Variants in NAALADL2 observed in about 807,000 individuals in gnomAD.
NAALADL2 encodes N-acetylated alpha-linked acidic dipeptidase like 2, also known as inactive N-acetylated-alpha-linked acidic dipeptidase-like protein 2.
A neutral mutation model predicts 87.2 loss-of-function variants in NAALADL2; 76 were observed. That is an observed-to-expected ratio of 0.87 (90% CI 0.72 to 1.05). The LOEUF is 1.05. Ranked by LOEUF, NAALADL2 falls within the 50% of genes least tolerant of loss-of-function variation. The pLI, the probability that NAALADL2 is intolerant of heterozygous loss-of-function variation, is 0.00. For missense variants in NAALADL2, 1,089 were observed against 945.8 expected, an observed-to-expected ratio of 1.15 and a Z score of -1.99; for synonymous variants, 354 against 331.0, an observed-to-expected ratio of 1.07 and a Z score of -0.75.
intron 2 of NAALADL2, among the ~76,000 whole-genome samples, chr3:174,687,306 ACACCTTG>A (rs1728140163): frequency 6.6e-6 from 1 of 152,008 alleles, no homozygotes; most frequent in Non-Finnish European, 1.5e-5. Flanking sequence ...GCTTCCCTTA[ACACCTTG>A]CATTCAAAAG....
chr3:174,819,427 CA>C (rs1579063584), intron 3 of NAALADL2, among the ~76,000 whole-genome samples: 1 of 151,356 alleles, frequency 6.6e-6, no homozygotes, highest in East Asian at 1.9e-4. Context: ...AAACAATCAG[CA>C]AAAAAGCAAT....
At chr3:175,667,898 C>T (rs1733427296) in intron 11 of NAALADL2, among the ~76,000 whole-genome samples, 1 of 151,996 alleles carries the variant, frequency 6.6e-6, no homozygotes, top group Admixed American at 6.6e-5. Flanking sequence ...CTACCCTATT[C>T]AAAGATGTTT....
At chr3:175,217,009 C>G (rs1742659725) in intron 2 of NAALADL2, among the ~76,000 whole-genome samples, 1 of 152,030 alleles carries the variant, frequency 6.6e-6, no homozygotes, top group Non-Finnish European at 1.5e-5. Context: ...ATGGGAACAC[C>G]CAATGTAATT....
At chr3:174,640,206 C>T (rs1447779) in intron 2 of NAALADL2, among the ~76,000 whole-genome samples, 77,008 of 152,072 alleles carry the variant, frequency 0.51, 19,996 homozygotes, top group Middle Eastern at 0.65. Context: ...CAGACTAATG[C>T]TCTTAGCTCC....
At chr3:174,490,744 C>G (rs1047013447) in intron 1 of NAALADL2, among the ~76,000 whole-genome samples, 5 of 152,014 alleles carry the variant, frequency 3.3e-5, no homozygotes, top group African/African-American at 1.2e-4. Flanking sequence ...AAGAGCCTTT[C>G]TATTCAAAGA....
rs547297026 is a variant in NAALADL2, at chr3:175,748,630, A to G, written c.1991-6590A>G. On this transcript the variant is annotated intron_variant, in intron 12 of 13. Coordinates refer to ENST00000454872, the MANE Select transcript of NAALADL2 (RefSeq NM_207015.3). ...AAGCTTACATTTGTTTGATATAAAAATGTTGTTTTAGAGGATGACCAGTAC... is the reference window on the plus strand; with the variant it reads ...AAGCTTACATTTGTTTGATATAAAAGTGTTGTTTTAGAGGATGACCAGTAC... 2.8e-3 allele frequency among the ~76,000 whole-genome samples: 428 copies of G among 152,340 alleles called. 1 individual carries two copies. The highest frequency in any genetic ancestry group is 9.7e-3 in the African/African-American group (402 of 41,580).
intron 5 of NAALADL2, among the ~76,000 whole-genome samples, chr3:175,335,079 A>T (rs1024285824): frequency 6.6e-6 from 1 of 152,176 alleles, no homozygotes; most frequent in Non-Finnish European, 1.5e-5. Context: ...CTCTCTTGAC[A>T]GGATGGGGCA....
At chr3:174,751,797 T>A (rs1000906004) in intron 3 of NAALADL2, among the ~76,000 whole-genome samples, 2 of 152,160 alleles carry the variant, frequency 1.3e-5, no homozygotes, top group Non-Finnish European at 2.9e-5. Flanking sequence ...CTAATAATAT[T>A]TGACTTAGGA....
chr3:174,768,800 G>T (rs1426863109), intron 3 of NAALADL2, among the ~76,000 whole-genome samples: 2 of 151,808 alleles, frequency 1.3e-5, no homozygotes, highest in African/African-American at 2.4e-5. Flanking sequence ...TTGAAGTTTT[G>T]TACTTTATTG....
Position 175,274,096 on chromosome 3 carries a change from G to C in NAALADL2, c.939+17566G>C, listed in dbSNP as rs923884784. 9.9e-5 allele frequency among the ~76,000 whole-genome samples: 15 copies of C among 152,088 alleles called. No individual in the cohort carries two copies. The East Asian group carries it at 2.9e-3, about 29-fold the overall frequency. On this transcript the variant is annotated intron_variant, in intron 4 of 13. Coordinates refer to ENST00000454872, the MANE Select transcript of NAALADL2 (RefSeq NM_207015.3). Reference sequence around the variant, plus strand: ...GCTGGGTAATTTATTTATAAAAGGGGTTTAATTGACTCACTGTTCCACGTG... The same window carrying C: ...GCTGGGTAATTTATTTATAAAAGGGCTTTAATTGACTCACTGTTCCACGTG...
intron 1 of NAALADL2, among the ~76,000 whole-genome samples, chr3:174,866,233 A>G (rs975091261): frequency 6.6e-6 from 1 of 151,896 alleles, no homozygotes; most frequent in Non-Finnish European, 1.5e-5. Flanking sequence ...CTTTATTAGA[A>G]AACACTGAGC....
chr3:174,919,851 T>A (rs1734909151), intron 1 of NAALADL2, among the ~76,000 whole-genome samples: 1 of 152,176 alleles, frequency 6.6e-6, no homozygotes. Context: ...TACTCCTTGA[T>A]CCATATGCTG....
intron 2 of NAALADL2, among the ~76,000 whole-genome samples, chr3:174,714,866 G>C (rs541913549): frequency 1.3e-5 from 2 of 152,264 alleles, no homozygotes; most frequent in East Asian, 3.9e-4. Context: ...GGGCATCCCT[G>C]TCTTGTGCGA....
intron 1 of NAALADL2, among the ~76,000 whole-genome samples, chr3:174,446,474 T>C (rs1715059264): frequency 6.6e-6 from 1 of 152,230 alleles, no homozygotes; most frequent in Non-Finnish European, 1.5e-5. Flanking sequence ...ATACTTTGCA[T>C]AGTCTGTGCT....
At chr3:175,613,721 G>A (rs138522117) in intron 10 of NAALADL2, among the ~76,000 whole-genome samples, 137 of 152,166 alleles carry the variant, frequency 9.0e-4, no homozygotes, top group East Asian at 3.7e-3. Flanking sequence ...CAAGATATTC[G>A]AACTCACTGT....
At chr3:175,132,810 G>A (rs1346644482) in intron 2 of NAALADL2, among the ~76,000 whole-genome samples, 2 of 151,748 alleles carry the variant, frequency 1.3e-5, no homozygotes, top group African/African-American at 2.4e-5. Context: ...CTCCCGGACG[G>A]GATGGCTGCC....
chr3:175,547,439 C>T (rs552616796), intron 9 of NAALADL2, among the ~76,000 whole-genome samples: 1 of 151,976 alleles, frequency 6.6e-6, no homozygotes, highest in Admixed American at 6.6e-5. Flanking sequence ...ATGTGAAACC[C>T]AAAACTATGA....
intron 2 of NAALADL2, among the ~76,000 whole-genome samples, chr3:175,163,689 T>G (rs1308355050): frequency 2.6e-5 from 4 of 152,184 alleles, no homozygotes; most frequent in Non-Finnish European, 1.5e-5. Context: ...TCACTTCCTA[T>G]TCTATTGTAA....
At chr3:175,292,689 A>AT (rs1755788113) in intron 4 of NAALADL2, among the ~76,000 whole-genome samples, 1 of 151,620 alleles carries the variant, frequency 6.6e-6, no homozygotes, top group South Asian at 2.1e-4. Context: ...CCATTCAACA[A>AT]TTTTTTATTG....
Sources: gnomAD v4.1 joint callset for allele counts (sites outside exome capture counted in the v4.1 genomes callset) on GRCh38, gnomAD v4.1.1 for gene constraint, MANE v1.5 for transcripts, NCBI Gene and HGNC (gene_info 2026-07-23, HGNC 2026-07-21) for gene names.